LZTR1: variants seen among roughly 807,000 people sequenced by gnomAD.
The protein encoded by LZTR1 is leucine zipper like post translational regulator 1.
A neutral mutation model predicts 105.7 loss-of-function variants in LZTR1; 260 were observed. The ratio of observed to expected loss-of-function variants is 2.46; its 90% CI spans 2.22 to 2.72. The LOEUF (loss-of-function observed/expected upper bound fraction) is 2.72. LZTR1 is among the 30% of genes most tolerant of loss of function. LZTR1 has a pLI of 0.00. For missense variants in LZTR1, 1,214 were observed against 1,166.9 expected (o/e 1.04, Z -0.59); for synonymous variants, 490 against 476.4 (o/e 1.03, Z -0.37).
intron 8 of LZTR1, 39 bp from the exon 9 acceptor site, chr22:20,991,589 C>A (rs1441146757): frequency 1.4e-6 from 2 of 1,473,906 alleles, no homozygotes; most frequent in African/African-American, 2.8e-5. Context: ...TGAGCAGGAG[C>A]CCCTGTCCCA....
rs948473950 is a variant in LZTR1 at position 20,997,757 on chromosome 22, C to T, written c.*409C>T. The T allele has an allele frequency of 7.3e-5, 13 of 178,712 alleles. No individual in the cohort carries two copies. In the South Asian group the frequency reaches 1.4e-3, roughly 19 times the overall value. The allele number at this position is 178,712 out of a possible 1,614,324, so 11.1% of individuals were successfully genotyped here. A position where few individuals can be genotyped will look rare whatever the true frequency, so the allele number is the denominator to read the frequency against. ...CTGTCACCAAGGCTCCTCCAACATG[C>T]GGGAGGAGGCTTAGCAGACTTGCGC... On this transcript the variant is annotated 3_prime_UTR_variant, in exon 21 of 21. Coordinates refer to ENST00000646124, the MANE Select transcript of LZTR1 (RefSeq NM_006767.4).
At chr22:20,992,697 G>A (rs1924648314) in intron 10 of LZTR1, 97 bp from the exon 11 acceptor site, 2 of 816,712 alleles carry the variant, frequency 2.4e-6, no homozygotes, top group South Asian at 3.1e-5. Context: ...GCCCTTCATG[G>A]CCATGAGGTG....
chr22:20,989,076 C>T (rs1003642742), intron 6 of LZTR1, among the ~76,000 whole-genome samples: 4 of 151,886 alleles, frequency 2.6e-5, no homozygotes, highest in Non-Finnish European at 5.9e-5. Context: ...GGTGGAGCCC[C>T]GTGGCTACCA....
rs367738742 is a variant in LZTR1, at chr22:20,991,754, G to T, written c.918G>T (p.Thr306=). The T allele has an allele frequency of 5.8e-6, 9 of 1,562,492 alleles. No individual in the cohort carries two copies. Among genetic ancestry groups the T allele is most frequent in the Non-Finnish European group, 7.8e-6 (9 of 1,153,296 alleles). Residue 306 remains threonine, a synonymous_variant, in exon 9 of 21, where the codon ACG becomes ACT. Coordinates refer to ENST00000646124, the MANE Select transcript of LZTR1 (RefSeq NM_006767.4). ...TGTTTGGGGGTGCGGCCGACAACACGCTGCCCAACGAGCTGCACTGCTATG... is the reference window on the plus strand; with the variant it reads ...TGTTTGGGGGTGCGGCCGACAACACTCTGCCCAACGAGCTGCACTGCTATG... The part of the protein sequence containing the change: ...LYVFGGAADN[T]LPNELHCYDV...
intron 10 of LZTR1, 93 bp from the exon 11 acceptor site, chr22:20,992,701 T>C: frequency 1.2e-6 from 1 of 834,310 alleles, no homozygotes; most frequent in Non-Finnish European, 2.0e-6. Context: ...TTCATGGCCA[T>C]GAGGTGCCGC....
Position 20,996,712 on chromosome 22 carries a change from C to T in LZTR1, c.2236C>T (p.Pro746Ser), listed in dbSNP as rs750893001. The change falls in exon 19 of 21, where the codon CCC (proline) becomes TCC (serine). Residue 746 changes from proline to serine, a missense_variant. Coordinates refer to ENST00000646124, the MANE Select transcript of LZTR1 (RefSeq NM_006767.4). Reference sequence around the variant, plus strand: ...AGGCCCCAGCTACTTGTTTGCGGCCCCCTACTACTACGGCTTCTACAACAA... The same window carrying T: ...AGGCCCCAGCTACTTGTTTGCGGCCTCCTACTACTACGGCTTCTACAACAA... ...PEDSLYLFAA[P>S]YYYGFYNNRL... 6.2e-7 allele frequency: 1 copy of T among 1,613,604 alleles called. No homozygotes were observed. Among genetic ancestry groups the T allele is most frequent in the East Asian group, 2.2e-5 (1 of 44,852 alleles).
At chr22:20,990,565 G>A (rs779070314) in intron 8 of LZTR1, 40 bp downstream of exon 8, 2 of 1,567,758 alleles carry the variant, frequency 1.3e-6, no homozygotes, top group Non-Finnish European at 1.7e-6. Flanking sequence ...AGGACGGTCA[G>A]TTCCCTCGAA....
At chr22:20,995,060 G>A in intron 16 of LZTR1, 34 bp downstream of exon 16, 1 of 1,583,808 alleles carries the variant, frequency 6.3e-7, no homozygotes, top group Non-Finnish European at 8.6e-7. Context: ...CTGGGGGCTG[G>A]GAGGGATGGT....
At chr22:20,995,197 C>T in intron 16 of LZTR1, 171 bp downstream of exon 16, 2 of 763,720 alleles carry the variant, frequency 2.6e-6, no homozygotes, top group Non-Finnish European at 2.2e-6. Flanking sequence ...AGGCAGAAGC[C>T]CCCGACCCAT....
intron 16 of LZTR1, 79 bp downstream of exon 16, chr22:20,995,105 A>G: frequency 1.3e-6 from 2 of 1,492,962 alleles, no homozygotes; most frequent in Non-Finnish European, 1.8e-6. Flanking sequence ...AGCCATGGAG[A>G]GCACCTGCCA....
rs757408021 is a variant in LZTR1, at chr22:20,994,283, G to T, written c.1615+14G>T. 1 of 1,596,378 alleles carries T rather than the reference G, an allele frequency of 6.3e-7. No homozygotes were observed. The highest frequency in any genetic ancestry group is 1.7e-5 in the Admixed American group (1 of 59,852). Reference sequence around the variant, plus strand: ...ACCCACGGAAAGGTCCGCCTGGGTGGGGGTGGAGCAGGGTTGGTGTGGGCT... The same window carrying T: ...ACCCACGGAAAGGTCCGCCTGGGTGTGGGTGGAGCAGGGTTGGTGTGGGCT... On this transcript the variant is annotated intron_variant, in intron 14 of 20. Transcript: ENST00000646124.
Position 20,987,583 on chromosome 22 carries a change from G to A in LZTR1, c.400G>A (p.Gly134Arg), listed in dbSNP as rs1440693988. The A allele has an allele frequency of 6.2e-7, 1 of 1,614,034 alleles. No homozygotes were observed. Among genetic ancestry groups the A allele is most frequent in the Non-Finnish European group, 8.5e-7 (1 of 1,179,936 alleles). ...CTATGGGAGCAGCATGTTTGTCTTT[G>A]GTAAGCAGCCTCTTGCCTCCCAGGG... ...VVYGSSMFVF[G>R]GYTGDIYSNS... The change falls in exon 4 of 21, where the codon GGG (glycine) becomes AGG (arginine). Residue 134 changes from glycine to arginine, a missense_variant and splice_region_variant. Coordinates refer to ENST00000646124, the MANE Select transcript of LZTR1 (RefSeq NM_006767.4).
In LZTR1 at chr22:20,992,865, G is replaced by T; in HGVS notation, c.1221G>T (p.Val407=). 1 of 1,609,808 alleles carries T rather than the reference G, an allele frequency of 6.2e-7. No homozygotes were observed. ...CCATGTACATCTTCGGGGGCACGGT[G>T]GACAACAACATCCGCAGCGGGGAGA... is the stretch of plus-strand genomic sequence containing the variant. ...SDAMYIFGGT[V]DNNIRSGEMY... Residue 407 remains valine (V), a synonymous_variant, in exon 11 of 21, where the codon GTG becomes GTT. Transcript: ENST00000646124.
intron 2 of LZTR1, among the ~76,000 whole-genome samples, chr22:20,983,839 C>T (rs1302882955): frequency 6.6e-6 from 1 of 152,248 alleles, no homozygotes; most frequent in Admixed American, 6.5e-5. Context: ...CTCCCACTCT[C>T]TTTCCCCAGG....
rs1044184938 is a variant in LZTR1 at position 20,992,210 on chromosome 22, T to C, written c.994-4T>C. ...TCTCATGCCCATGTGTCTCCCCTCT[T>C]CAGGTTGGTGGGGCTGAAGTGCCCG... On this transcript the variant is annotated splice_region_variant and splice_polypyrimidine_tract_variant and intron_variant, in intron 9 of 20. Transcript: ENST00000646124. The C allele has an allele frequency of 1.2e-6, 2 of 1,612,744 alleles. No homozygotes were observed. The highest frequency in any genetic ancestry group is 2.7e-5 in the African/African-American group (2 of 74,904).
intron 7 of LZTR1, 102 bp downstream of exon 7, chr22:20,989,784 G>C (rs1022205689): frequency 8.8e-6 from 11 of 1,256,580 alleles, no homozygotes; most frequent in East Asian, 2.7e-5. Context: ...ACAGGGTGCA[G>C]GTGGAGGGAG....
chr22:20,995,200 C>A lies in LZTR1; in HGVS notation c.1942+174C>A. 5.4e-6 allele frequency: 4 copies of A among 745,664 alleles called. No individual in the cohort carries two copies. The East Asian group carries it at 1.1e-4, about 20-fold the overall frequency. 46.2% of individuals were successfully genotyped at this position (745,664 alleles called of 1,614,324 possible). A position where few individuals can be genotyped will look rare whatever the true frequency, so the allele number is the denominator to read the frequency against. Reference sequence around the variant, plus strand: ...GGAAACAGATGAAGGCAGAAGCCCCCGACCCATGGGGCTTGCCACAGTGGG... The same window carrying A: ...GGAAACAGATGAAGGCAGAAGCCCCAGACCCATGGGGCTTGCCACAGTGGG... On this transcript the variant is annotated intron_variant, in intron 16 of 20. Transcript: ENST00000646124.
Position 20,996,694 on chromosome 22 carries a change from A to C in LZTR1, c.2220-2A>C. The C allele has an allele frequency of 6.2e-7, 1 of 1,613,334 alleles. No homozygotes were observed. Among genetic ancestry groups the C allele is most frequent in the Non-Finnish European group, 8.5e-7 (1 of 1,179,764 alleles). ...TTAGTCAGCTCCTTAACCAGGCCCC[A>C]GCTACTTGTTTGCGGCCCCCTACTA... On this transcript the variant is annotated splice_acceptor_variant, in intron 18 of 20. Coordinates refer to ENST00000646124, the MANE Select transcript of LZTR1 (RefSeq NM_006767.4). LOFTEE classifies it high-confidence loss of function.
At chr22:20,986,131 C>T (rs377378849) in intron 3 of LZTR1, 3 of 556,218 alleles carry the variant, frequency 5.4e-6, no homozygotes. Context: ...GGGCGGCACC[C>T]TTCTGGGCTG....
Sources: gnomAD v4.1 joint callset for allele counts (sites outside exome capture counted in the v4.1 genomes callset) on GRCh38, gnomAD v4.1.1 for gene constraint, MANE v1.5 for transcripts, NCBI Gene and HGNC (gene_info 2026-07-23, HGNC 2026-07-21) for gene names.